Variants in LGALS8 observed in about 807,000 individuals in gnomAD.
LGALS8 encodes galectin 8.
Under a neutral mutation model 35.9 loss-of-function variants are expected in LGALS8, and 30 were observed. The ratio of observed to expected loss-of-function variants is 0.83; its 90% CI spans 0.62 to 1.13. The LOEUF is 1.13. LGALS8 is among the 50% of genes most tolerant of loss of function. The pLI, the probability that LGALS8 is intolerant of heterozygous loss-of-function variation, is 0.00. For missense variants in LGALS8, 366 were observed against 388.7 expected (o/e 0.94, Z 0.49); for synonymous variants, 138 against 136.1 (o/e 1.01, Z -0.10).
At chr1:236,518,706 T>A (rs143622596), upstream of LGALS8, among the ~76,000 whole-genome samples, 2 of 152,210 alleles carry the variant, frequency 1.3e-5, no homozygotes, top group Non-Finnish European at 2.9e-5. Flanking sequence ...TTCTGGTTTC[T>A]AAATTCACAG....
At position 236,550,952 on chromosome 1, in the gene LGALS8, T is replaced by C. The variant is rs769374782; in HGVS notation, c.*2791T>C. ...CCCAGGACAGTTTCCAGTTGCTGAA[T>C]AGTCTTTTGGCACTGATGTTCTACT... is the stretch of plus-strand genomic sequence containing the variant. On this transcript the variant is annotated 3_prime_UTR_variant, in exon 10 of 10. Transcript: ENST00000366584. The C allele has an allele frequency of 3.1e-6, 5 of 1,605,974 alleles. No homozygotes were observed. The South Asian group carries it at 5.6e-5, about 18-fold the overall frequency.
chr1:236,539,392 AG>A (rs1173691924), intron 4 of LGALS8, among the ~76,000 whole-genome samples: 1 of 152,140 alleles, frequency 6.6e-6, no homozygotes, highest in Non-Finnish European at 1.5e-5. Flanking sequence ...TCATGATGGG[AG>A]GGTAAGTTAT....
rs753947168 is a variant in LGALS8, at chr1:236,551,040, G to A, written c.*2879G>A. 5.8e-6 allele frequency: 8 copies of A among 1,374,408 alleles called. No homozygotes were observed. In the East Asian group the frequency reaches 1.9e-4, roughly 33 times the overall value. 85.1% of individuals were successfully genotyped at this position (1,374,408 alleles called of 1,614,324 possible). A position where few individuals can be genotyped will look rare whatever the true frequency, so the allele number is the denominator to read the frequency against. The stretch of plus-strand genomic sequence containing the variant: ...AATTAAAATCTGAGTCAGTCCGCCT[G>A]CCTCGGTTCTCATTAGTTTAATTCT... On this transcript the variant is annotated 3_prime_UTR_variant, in exon 10 of 10. Coordinates refer to ENST00000366584, the MANE Select transcript of LGALS8 (RefSeq NM_201544.4).
In LGALS8 at chr1:236,526,872, T is replaced by A. The variant is rs538125184; in HGVS notation, c.45+757T>A. Among the ~76,000 whole-genome samples the A allele has an allele frequency of 1.3e-5, 2 of 152,104 alleles. No individual in the cohort carries two copies. Among genetic ancestry groups the A allele is most frequent in the African/African-American group, 4.8e-5 (2 of 41,420 alleles). On this transcript the variant is annotated intron_variant, in intron 2 of 9. Coordinates refer to ENST00000366584, the MANE Select transcript of LGALS8 (RefSeq NM_201544.4). The surrounding 1 kb of genome is among the most constrained non-coding windows in gnomAD (Gnocchi z 4.6). ...AACCAGTTTTGTTAGTGTGTGTGGGTTCAAGTTTTTGTCATTTACTTTATA... is the reference window on the plus strand; with the variant it reads ...AACCAGTTTTGTTAGTGTGTGTGGGATCAAGTTTTTGTCATTTACTTTATA...
Position 236,552,191 on chromosome 1 carries a change from TCTAA to T in LGALS8, c.*4033_*4036del, listed in dbSNP as rs1662780115. 2 of 866,674 alleles carry T rather than the reference TCTAA, an allele frequency of 2.3e-6. No individual in the cohort carries two copies. Among genetic ancestry groups the T allele is most frequent in the Non-Finnish European group, 3.7e-6 (2 of 543,806 alleles). 53.7% of individuals were successfully genotyped at this position (866,674 alleles called of 1,614,324 possible). ...AGAGCTGTACTGACTTGAGACAAGC[TCTAA>T]CTTTTTAAACATTAGTTCACATGCG... On this transcript the variant is annotated 3_prime_UTR_variant, in exon 10 of 10. Transcript: ENST00000366584.
In LGALS8 at chr1:236,548,959, GTC is replaced by G. The variant is rs1662581239; in HGVS notation, c.*800_*801del. ...GTATTTGAACTTAGGGCAAATCAGA[GTC>G]TACACAGACGCCTACAGAAAGTTTC... is the stretch of plus-strand genomic sequence containing the variant. On this transcript the variant is annotated 3_prime_UTR_variant, in exon 10 of 10. Transcript: ENST00000366584. 1 of 398,024 alleles carries G rather than the reference GTC, an allele frequency of 2.5e-6. No homozygotes were observed. Among genetic ancestry groups the G allele is most frequent in the African/African-American group, 2.1e-5 (1 of 48,418 alleles). 24.7% of individuals were successfully genotyped at this position (398,024 alleles called of 1,614,324 possible).
At position 236,548,966 on chromosome 1, in the gene LGALS8, C is replaced by T. The variant is rs183565332; in HGVS notation, c.*805C>T. On this transcript the variant is annotated 3_prime_UTR_variant, in exon 10 of 10. Coordinates refer to ENST00000366584, the MANE Select transcript of LGALS8 (RefSeq NM_201544.4). ...AACTTAGGGCAAATCAGAGTCTACA[C>T]AGACGCCTACAGAAAGTTTCAGGAA... The T allele has an allele frequency of 2.1e-4, 85 of 398,644 alleles. 1 individual carries two copies. In the East Asian group the frequency reaches 2.6e-3, roughly 12 times the overall value. 24.7% of individuals were successfully genotyped at this position (398,644 alleles called of 1,614,324 possible). A position where few individuals can be genotyped will look rare whatever the true frequency, so the allele number is the denominator to read the frequency against.
chr1:236,543,711 C>A, intron 8 of LGALS8, 63 bp downstream of exon 8: 3 of 1,123,170 alleles, frequency 2.7e-6, no homozygotes, highest in Non-Finnish European at 4.1e-6. Context: ...GCCTTCCACC[C>A]GTGAACGGTC....
In LGALS8 at chr1:236,543,541, G is replaced by C. The variant is rs1353620976; in HGVS notation, c.550-19G>C. On this transcript the variant is annotated intron_variant, in intron 7 of 9. Coordinates refer to ENST00000366584, the MANE Select transcript of LGALS8 (RefSeq NM_201544.4). Reference sequence around the variant, plus strand: ...CGCTTTCTGCAGGCCTCTTGGTCCTGACTGTGGCTTCTTTTCAGAGGCTGC... The same window carrying C: ...CGCTTTCTGCAGGCCTCTTGGTCCTCACTGTGGCTTCTTTTCAGAGGCTGC... The C allele has an allele frequency of 1.3e-6, 2 of 1,598,088 alleles. No individual in the cohort carries two copies. The highest frequency in any genetic ancestry group is 2.7e-5 in the African/African-American group (2 of 74,592).
rs573799345 is a variant in LGALS8 at position 236,538,281 on chromosome 1, A to G, written c.135-598A>G. Among the ~76,000 whole-genome samples the G allele has an allele frequency of 7.3e-4, 111 of 152,078 alleles. 2 individuals are homozygous for G. Among genetic ancestry groups the G allele is most frequent in the Non-Finnish European group, 1.3e-4 (9 of 68,010 alleles). On this transcript the variant is annotated intron_variant, in intron 3 of 9. Coordinates refer to ENST00000366584, the MANE Select transcript of LGALS8 (RefSeq NM_201544.4). Reference sequence around the variant, plus strand: ...TGTTGGGCTCAGCTCTGTGTACCTAACACCTGAAGAGCAGTGGTTTAAGAT... The same window carrying G: ...TGTTGGGCTCAGCTCTGTGTACCTAGCACCTGAAGAGCAGTGGTTTAAGAT...
At position 236,542,092 on chromosome 1, in the gene LGALS8, T is replaced by C. The variant is rs542589525; in HGVS notation, c.522+382T>C. 5.9e-5 allele frequency among the ~76,000 whole-genome samples: 9 copies of C among 152,298 alleles called. No homozygotes were observed. The South Asian group carries it at 1.9e-3, about 32-fold the overall frequency. On this transcript the variant is annotated intron_variant, in intron 6 of 9. Coordinates refer to ENST00000366584, the MANE Select transcript of LGALS8 (RefSeq NM_201544.4). ...AATGCGCTGTTATTAATGGAGAAAG[T>C]GAGGTCTTACCGACTGGCACGTTCA...
Position 236,548,845 on chromosome 1 carries a change from G to A in LGALS8, c.*684G>A. On this transcript the variant is annotated 3_prime_UTR_variant, in exon 10 of 10. Coordinates refer to ENST00000366584, the MANE Select transcript of LGALS8 (RefSeq NM_201544.4). The stretch of plus-strand genomic sequence containing the variant: ...ACCAAGTAATTGGCATGACATCTGA[G>A]CACAGAAATTAAGGCAAAAAACCAA... 2.5e-6 allele frequency: 1 copy of A among 398,084 alleles called. No homozygotes were observed. Among genetic ancestry groups the A allele is most frequent in the Non-Finnish European group, 4.4e-6 (1 of 225,804 alleles). 24.7% of individuals were successfully genotyped at this position (398,084 alleles called of 1,614,324 possible).
At chr1:236,535,620 C>G (rs1339258379) in intron 2 of LGALS8, among the ~76,000 whole-genome samples, 2 of 152,180 alleles carry the variant, frequency 1.3e-5, no homozygotes, top group Non-Finnish European at 2.9e-5. Context: ...CCCAAAAGAT[C>G]AATGTAGGGA....
In LGALS8 at chr1:236,544,731, TTTC is replaced by T. The variant is rs1553278292; in HGVS notation, c.639-16_639-14del. On this transcript the variant is annotated splice_polypyrimidine_tract_variant and intron_variant, in intron 8 of 9. Coordinates refer to ENST00000366584, the MANE Select transcript of LGALS8 (RefSeq NM_201544.4). ...TACTTGGTTAATTAAGGTTTTTTTT[TTTC>T]TTTCTTTCTCAAAAGCTTTAATGTT... 6.4e-7 allele frequency: 1 copy of T among 1,571,064 alleles called. No individual in the cohort carries two copies. The highest frequency in any genetic ancestry group is 8.6e-7 in the Non-Finnish European group (1 of 1,163,352).
At chr1:236,522,307 A>G (rs6665867), upstream of LGALS8, among the ~76,000 whole-genome samples, 3,544 of 152,308 alleles carry the variant, frequency 0.023, 108 homozygotes, top group African/African-American at 0.069. Flanking sequence ...GTAAAGAAGT[A>G]CAAGGTTGAC....
At chr1:236,527,065 G>A (rs896338537) in intron 2 of LGALS8, among the ~76,000 whole-genome samples, 6 of 152,172 alleles carry the variant, frequency 3.9e-5, no homozygotes, top group East Asian at 3.9e-4. Flanking sequence ...ATGACTTTGC[G>A]CATGTTAGAG....
intron 2 of LGALS8, among the ~76,000 whole-genome samples, chr1:236,537,029 T>TG (rs200843466): frequency 2.8e-5 from 4 of 140,580 alleles, no homozygotes; most frequent in Non-Finnish European, 6.3e-5. Flanking sequence ...TCCTTTTTTT[T>TG]TTTTTGAGAC....
At chr1:236,519,135 T>C (rs1201864818), upstream of LGALS8, among the ~76,000 whole-genome samples, 3 of 151,836 alleles carry the variant, frequency 2.0e-5, no homozygotes, top group Non-Finnish European at 4.4e-5. Context: ...ATGCCTGTAA[T>C]CCTAGCACTT....
At position 236,539,035 on chromosome 1, in the gene LGALS8, CAA is replaced by C. The variant is rs751731777; in HGVS notation, c.294_295del (p.Glu100LysfsTer4). Reference protein sequence around the residue: ...REEITYDTPFKREKSFEIVIM... With the variant: ...REEITYDTPFXREKSFEIVIM... The stretch of plus-strand genomic sequence containing the variant: ...AAGAGATCACCTATGACACGCCTTT[CAA>C]AAGAGAAAAGTCTTTTGAGATCGTG... On this transcript the variant is annotated frameshift_variant, in exon 4 of 10. Transcript: ENST00000366584. LOFTEE classifies it high-confidence loss of function. 6.2e-7 allele frequency: 1 copy of C among 1,614,094 alleles called. No individual in the cohort carries two copies. Among genetic ancestry groups the C allele is most frequent in the South Asian group, 1.1e-5 (1 of 91,074 alleles).
Sources: allele counts gnomAD v4.1 joint callset (sites outside exome capture counted in the v4.1 genomes callset), GRCh38; gene constraint gnomAD v4.1.1; non-coding constraint Gnocchi (gnomAD v3.1); transcripts MANE v1.5; gene names NCBI Gene and HGNC (gene_info 2026-07-23, HGNC 2026-07-21).